Variants in GPC6 observed in about 807,000 individuals in gnomAD.
The protein encoded by GPC6 is glypican 6, also known as glypican-6.
GPC6 carries 14 observed loss-of-function variants against 55.2 expected under a neutral mutation model. The ratio of observed to expected loss-of-function variants is 0.25; its 90% CI spans 0.17 to 0.40. GPC6 has a LOEUF of 0.40. GPC6 is among the 10% of genes least tolerant of loss of function. GPC6 has a pLI of 1.00. For missense variants in GPC6, 641 were observed against 708.5 expected (o/e 0.90, Z 1.08); for synonymous variants, 278 against 259.6 (o/e 1.07, Z -0.68).
At chr13:94,345,320 A>G (rs980779201) in intron 6 of GPC6, among the ~76,000 whole-genome samples, 1 of 152,118 alleles carries the variant, frequency 6.6e-6, no homozygotes, top group Admixed American at 6.5e-5. Context: ...TGTGCTCCCT[A>G]CTTTAAGAAA....
intron 1 of GPC6, among the ~76,000 whole-genome samples, chr13:93,305,600 A>G (rs1878830477): frequency 1.3e-5 from 2 of 152,244 alleles, no homozygotes; most frequent in South Asian, 2.1e-4. Flanking sequence ...AGGAAGCATT[A>G]AGTCTCTTAT....
chr13:94,010,407 A>G (rs555855935), intron 3 of GPC6, among the ~76,000 whole-genome samples: 1 of 152,162 alleles, frequency 6.6e-6, no homozygotes, highest in East Asian at 1.9e-4. Context: ...GCTTTTCTCT[A>G]TTAACAAAGT....
chr13:93,426,700 A>G (rs532383258), intron 1 of GPC6, among the ~76,000 whole-genome samples: 6 of 152,002 alleles, frequency 3.9e-5, no homozygotes, highest in East Asian at 1.9e-4. Context: ...ATAAACATAC[A>G]TGTGCATGTG....
chr13:93,955,489 G>A (rs926181152), intron 3 of GPC6, among the ~76,000 whole-genome samples: 5 of 152,094 alleles, frequency 3.3e-5, no homozygotes, highest in African/African-American at 1.2e-4. Flanking sequence ...CTGCCACCAA[G>A]AGTGTGCCCA....
chr13:94,171,892 C>A (rs16949545), intron 4 of GPC6, among the ~76,000 whole-genome samples: 1 of 151,910 alleles, frequency 6.6e-6, no homozygotes, highest in Non-Finnish European at 1.5e-5. Context: ...TACAAAGTCC[C>A]GTGGCAGAAG....
intron 3 of GPC6, among the ~76,000 whole-genome samples, chr13:93,980,309 G>A (rs1468273214): frequency 1.3e-5 from 2 of 152,080 alleles, no homozygotes; most frequent in African/African-American, 4.8e-5. Flanking sequence ...TTTTAGATTT[G>A]AACAAGGTAT....
intron 1 of GPC6, among the ~76,000 whole-genome samples, chr13:93,276,890 T>A (rs1038466829): frequency 1.3e-5 from 2 of 152,204 alleles, no homozygotes; most frequent in Non-Finnish European, 2.9e-5. Context: ...TTCTCTTAGG[T>A]GACTTGCAAA....
rs563397624 is a variant in GPC6 at position 93,301,094 on chromosome 13, A to G, written c.160+73478A>G. On this transcript the variant is annotated intron_variant, in intron 1 of 8. Coordinates refer to ENST00000377047, the MANE Select transcript of GPC6 (RefSeq NM_005708.5). Reference sequence around the variant, plus strand: ...ATCCAACCCGGTTCCATTGGCAGACATTTCCTTAATGTTAGCTTTACTAAC... The same window carrying G: ...ATCCAACCCGGTTCCATTGGCAGACGTTTCCTTAATGTTAGCTTTACTAAC... Among the ~76,000 whole-genome samples the G allele has an allele frequency of 2.6e-5, 4 of 152,158 alleles. No homozygotes were observed. The South Asian group carries it at 8.3e-4, about 32-fold the overall frequency.
intron 2 of GPC6, among the ~76,000 whole-genome samples, chr13:93,744,007 T>G (rs1269848121): frequency 2.0e-5 from 3 of 152,208 alleles, no homozygotes; most frequent in Non-Finnish European, 4.4e-5. Flanking sequence ...ATATATTGAA[T>G]TTTGGTTTTC....
intron 1 of GPC6, among the ~76,000 whole-genome samples, chr13:93,260,705 A>G (rs547072553): frequency 6.6e-6 from 1 of 152,202 alleles, no homozygotes; most frequent in East Asian, 1.9e-4. Context: ...ACTTGGCCAA[A>G]CTTTGGCTTT....
At chr13:93,821,726 G>A (rs1887051769) in intron 2 of GPC6, among the ~76,000 whole-genome samples, 1 of 151,950 alleles carries the variant, frequency 6.6e-6, no homozygotes, top group African/African-American at 2.4e-5. Context: ...AGCTTTTTTT[G>A]TTCTTCCTCA....
At chr13:94,373,693 A>C (rs1879697308) in intron 6 of GPC6, among the ~76,000 whole-genome samples, 1 of 152,210 alleles carries the variant, frequency 6.6e-6, no homozygotes. Context: ...GCCAACATTC[A>C]CATTCAGGAA....
chr13:94,070,417 CT>C (rs1594711973), intron 4 of GPC6, among the ~76,000 whole-genome samples: 7 of 152,154 alleles, frequency 4.6e-5, no homozygotes, highest in Admixed American at 4.6e-4. Context: ...GATATACAGT[CT>C]TTATCCTTTG....
chr13:93,768,278 C>G (rs1449050350), intron 2 of GPC6, among the ~76,000 whole-genome samples: 3 of 152,130 alleles, frequency 2.0e-5, no homozygotes, highest in Non-Finnish European at 4.4e-5. Flanking sequence ...ACCTGTAGAG[C>G]AAATGACTCT....
intron 1 of GPC6, among the ~76,000 whole-genome samples, chr13:93,243,255 T>C (rs1162079463): frequency 6.6e-6 from 1 of 152,208 alleles, no homozygotes; most frequent in Non-Finnish European, 1.5e-5. Context: ...TCCTTAATTT[T>C]TGTGTATGCT....
Position 93,868,677 on chromosome 13 carries a change from G to A in GPC6, c.711+38132G>A, listed in dbSNP as rs577457663. Reference sequence around the variant, plus strand: ...TATCTGGTACTACATAGAAGTATTTGTCTCACCAAGTTGTTGCTGAAGGGC... The same window carrying A: ...TATCTGGTACTACATAGAAGTATTTATCTCACCAAGTTGTTGCTGAAGGGC... On this transcript the variant is annotated intron_variant, in intron 3 of 8. Transcript: ENST00000377047. 1.6e-4 allele frequency among the ~76,000 whole-genome samples: 24 copies of A among 151,932 alleles called. No individual in the cohort carries two copies. The South Asian group carries it at 2.1e-3, about 13-fold the overall frequency.
At chr13:93,907,021 T>C (rs928189) in intron 3 of GPC6, among the ~76,000 whole-genome samples, 45,504 of 152,074 alleles carry the variant, frequency 0.3, 6,943 homozygotes, top group Non-Finnish European at 0.32. Flanking sequence ...ACTTTTCAAA[T>C]TGTGTCACAG....
At chr13:94,245,329 C>T (rs759203956) in intron 4 of GPC6, among the ~76,000 whole-genome samples, 11 of 151,438 alleles carry the variant, frequency 7.3e-5, no homozygotes, top group African/African-American at 1.5e-4. Context: ...GAGGTTGAGG[C>T]GGGAGAATTT....
intron 2 of GPC6, among the ~76,000 whole-genome samples, chr13:93,823,370 C>T (rs769765236): frequency 1.3e-5 from 2 of 151,942 alleles, no homozygotes; most frequent in African/African-American, 2.4e-5. Flanking sequence ...TGTCTATCAT[C>T]GTTTTGGATC....
Sources: gnomAD v4.1 joint callset for allele counts (sites outside exome capture counted in the v4.1 genomes callset) on GRCh38, gnomAD v4.1.1 for gene constraint, MANE v1.5 for transcripts, NCBI Gene and HGNC (gene_info 2026-07-23, HGNC 2026-07-21) for gene names.